The following WASF2 variants were observed in gnomAD, a reference collection of about 807,000 sequenced individuals.
The protein encoded by WASF2 is WASP family member 2, also known as actin-binding protein WASF2.
Under a neutral mutation model 45.0 loss-of-function variants are expected in WASF2, and 14 were observed. The observed-to-expected ratio is 0.31, with a 90% CI of 0.21 to 0.49. The LOEUF (loss-of-function observed/expected upper bound fraction) is 0.49. Ranked by LOEUF, WASF2 falls within the 20% of genes least tolerant of loss-of-function variation. The pLI is 0.99. For missense variants in WASF2, 439 were observed against 636.1 expected, an observed-to-expected ratio of 0.69 and a Z score of 3.33; for synonymous variants, 200 against 236.3, an observed-to-expected ratio of 0.85 and a Z score of 1.41.
intron 1 of WASF2, among the ~76,000 whole-genome samples, chr1:27,472,451 T>C (rs532436629): frequency 3.3e-5 from 5 of 149,552 alleles, no homozygotes; most frequent in African/African-American, 1.2e-4. Context: ...CTGGGCAACA[T>C]GGTGAAATCC....
intron 1 of WASF2, among the ~76,000 whole-genome samples, chr1:27,479,113 C>T (rs896820822): frequency 6.6e-6 from 1 of 151,718 alleles, no homozygotes; most frequent in Non-Finnish European, 1.5e-5. Flanking sequence ...GGTGAAACCC[C>T]GTCTCTACTA....
chr1:27,477,885 C>A (rs1180285608), intron 1 of WASF2, among the ~76,000 whole-genome samples: 1 of 83,556 alleles, frequency 1.2e-5, no homozygotes, highest in East Asian at 5.7e-4. Context: ...GGCTACAGAG[C>A]GAGACTCCGT....
chr1:27,449,676 G>C (rs928603870), intron 1 of WASF2, among the ~76,000 whole-genome samples: 5 of 152,210 alleles, frequency 3.3e-5, no homozygotes, highest in South Asian at 4.2e-4. Flanking sequence ...ACAAAGATAA[G>C]GATAAGGAGG....
Position 27,468,598 on chromosome 1 carries a change from G to A in WASF2, c.-44+21388C>T, listed in dbSNP as rs555300706. 7.9e-5 allele frequency among the ~76,000 whole-genome samples: 12 copies of A among 151,674 alleles called. No homozygotes were observed. In the East Asian group the frequency reaches 1.4e-3, roughly 17 times the overall value. ...AGAGGTTACAATGAGCCGAGATTGC[G>A]CCATTGCACTCCAGCCTGGGCGACA... On this transcript the variant is annotated intron_variant, in intron 1 of 8. Coordinates refer to ENST00000618852, the MANE Select transcript of WASF2 (RefSeq NM_006990.5).
chr1:27,419,129 T>C, intron 2 of WASF2, 41 bp from the exon 3 acceptor site: 1 of 1,605,640 alleles, frequency 6.2e-7, no homozygotes, highest in Non-Finnish European at 8.5e-7. Flanking sequence ...TGCATAGAAG[T>C]AACGTAAATG....
Position 27,410,357 on chromosome 1 carries a change from A to G in WASF2, c.825-151T>C. The G allele has an allele frequency of 7.1e-7, 1 of 1,404,944 alleles. No individual in the cohort carries two copies. Among genetic ancestry groups the G allele is most frequent in the Non-Finnish European group, 9.4e-7 (1 of 1,065,898 alleles). The allele number at this position is 1,404,944 out of a possible 1,614,324, so 87.0% of individuals were successfully genotyped here. A position where few individuals can be genotyped will look rare whatever the true frequency, so the allele number is the denominator to read the frequency against. On this transcript the variant is annotated intron_variant, in intron 7 of 8. Coordinates refer to ENST00000618852, the MANE Select transcript of WASF2 (RefSeq NM_006990.5). The surrounding 1 kb of genome is among the most constrained non-coding windows in gnomAD (Gnocchi z 4.2). The stretch of plus-strand genomic sequence containing the variant: ...GAAAGAAAAGCCTACAGATGGTCAT[A>G]ACAGACCAATAATGAAATAAGCAGC...
chr1:27,422,066 C>A (rs903964438), intron 2 of WASF2, among the ~76,000 whole-genome samples: 6 of 151,340 alleles, frequency 4.0e-5, no homozygotes, highest in African/African-American at 1.5e-4. Flanking sequence ...CAACTTACAC[C>A]AAGAGTCACC....
chr1:27,437,838 CAG>C (rs1322815136), intron 1 of WASF2, among the ~76,000 whole-genome samples: 1 of 152,112 alleles, frequency 6.6e-6, no homozygotes, highest in Admixed American at 6.6e-5. Flanking sequence ...TAAATTTACA[CAG>C]GAGTTTAACA....
chr1:27,450,337 T>C (rs2017367813), intron 1 of WASF2, among the ~76,000 whole-genome samples: 1 of 152,094 alleles, frequency 6.6e-6, no homozygotes, highest in Admixed American at 6.5e-5. Flanking sequence ...TTAGCACATG[T>C]CCAAAGAAAT....
chr1:27,487,822 C>G (rs1215965502), intron 1 of WASF2, among the ~76,000 whole-genome samples: 1 of 139,464 alleles, frequency 7.2e-6, no homozygotes, highest in African/African-American at 2.7e-5. Flanking sequence ...ATATATAAGA[C>G]CAAATTAGTA....
intron 1 of WASF2, among the ~76,000 whole-genome samples, chr1:27,478,835 C>T (rs1022898119): frequency 2.6e-5 from 4 of 152,058 alleles, no homozygotes; most frequent in Non-Finnish European, 5.9e-5. Context: ...CCACCCGCCT[C>T]GACCTCACAA....
In WASF2 at chr1:27,414,799, A is replaced by C; in HGVS notation, c.668+34T>G. ...AGACTGTTGTCCCCAGCCCCTTCAA[A>C]GAATGCTACCAACAGTACAAAGGCA... On this transcript the variant is annotated intron_variant, in intron 6 of 8. Transcript: ENST00000618852. The surrounding 1 kb of genome is among the most constrained non-coding windows in gnomAD (Gnocchi z 4.1). 6.2e-7 allele frequency: 1 copy of C among 1,609,034 alleles called. No homozygotes were observed. The highest frequency in any genetic ancestry group is 1.1e-5 in the South Asian group (1 of 90,716).
At chr1:27,426,209 A>T (rs902441377) in intron 2 of WASF2, among the ~76,000 whole-genome samples, 3 of 152,362 alleles carry the variant, frequency 2.0e-5, no homozygotes, top group Admixed American at 2.0e-4. Flanking sequence ...TTACATTACA[A>T]AAGTTAACAC....
chr1:27,449,264 G>T (rs1042873817), intron 1 of WASF2, among the ~76,000 whole-genome samples: 1 of 152,064 alleles, frequency 6.6e-6, no homozygotes, highest in Non-Finnish European at 1.5e-5. Context: ...TCTAATCTTA[G>T]TGCCTACCAC....
At chr1:27,424,404 G>A (rs2016948690) in intron 2 of WASF2, among the ~76,000 whole-genome samples, 1 of 152,202 alleles carries the variant, frequency 6.6e-6, no homozygotes, top group Non-Finnish European at 1.5e-5. Flanking sequence ...TCAATAGCAC[G>A]GAATAGTGGG....
intron 1 of WASF2, among the ~76,000 whole-genome samples, chr1:27,480,814 C>G (rs1043462054): frequency 1.4e-4 from 21 of 152,090 alleles, no homozygotes; most frequent in Non-Finnish European, 2.8e-4. Context: ...CGAGACCATC[C>G]TGGCTAACAC....
At chr1:27,460,381 C>A (rs1212375330) in intron 1 of WASF2, among the ~76,000 whole-genome samples, 1 of 151,990 alleles carries the variant, frequency 6.6e-6, no homozygotes, top group East Asian at 1.9e-4. Context: ...AGGTAAAGGC[C>A]TGAGTTCTGT....
chr1:27,415,123 A>G (rs531531426), intron 5 of WASF2, among the ~76,000 whole-genome samples, 160 bp from the exon 6 acceptor site: 1 of 152,316 alleles, frequency 6.6e-6, no homozygotes, highest in South Asian at 2.1e-4. Context: ...AGTGACCCAG[A>G]GGCCATCTAA....
chr1:27,471,474 T>C (rs143290740), intron 1 of WASF2, among the ~76,000 whole-genome samples: 17 of 149,374 alleles, frequency 1.1e-4, no homozygotes, highest in African/African-American at 4.0e-4. Flanking sequence ...CCACAAAAAA[T>C]AAAATTAGCT....
Sources: allele counts gnomAD v4.1 joint callset (sites outside exome capture counted in the v4.1 genomes callset), GRCh38; gene constraint gnomAD v4.1.1; non-coding constraint Gnocchi (gnomAD v3.1); transcripts MANE v1.5; gene names NCBI Gene and HGNC (gene_info 2026-07-23, HGNC 2026-07-21).